Variants in SPATA7 observed in about 807,000 individuals in gnomAD.
SPATA7 encodes spermatogenesis-associated protein 7.
Under a neutral mutation model 51.8 loss-of-function variants are expected in SPATA7, and 43 were observed. The observed-to-expected ratio is 0.83, with a 90% CI of 0.65 to 1.07. The LOEUF is 1.07. Ranked by LOEUF, SPATA7 falls within the 50% of genes least tolerant of loss-of-function variation. SPATA7 has a pLI of 0.00. For missense variants in SPATA7, 683 were observed against 701.3 expected, an observed-to-expected ratio of 0.97 and a Z score of 0.30; for synonymous variants, 230 against 252.8, an observed-to-expected ratio of 0.91 and a Z score of 0.86.
At position 88,437,534 on chromosome 14, in the gene SPATA7, C is replaced by A. The variant is rs370330394; in HGVS notation, c.1161-9C>A. On this transcript the variant is annotated splice_polypyrimidine_tract_variant and intron_variant, in intron 10 of 11. Transcript: ENST00000393545. ...TTGAGACATTAACATTTTTGTTTAT[C>A]ATTTGTAGGTTTTTAGAACGACTGT... The A allele has an allele frequency of 5.6e-6, 9 of 1,601,406 alleles. No homozygotes were observed. Among genetic ancestry groups the A allele is most frequent in the Admixed American group, 1.7e-5 (1 of 59,752 alleles).
Position 88,469,121 on chromosome 14 carries a change from G to T in SPATA7, c.255-726G>T. 1 of 1,556,002 alleles carries T rather than the reference G, an allele frequency of 6.4e-7. No individual in the cohort carries two copies. The highest frequency in any genetic ancestry group is 8.8e-7 in the Non-Finnish European group (1 of 1,140,700). ...TAGAAAAGTACTCAAGGATCAAGGCGTATCACATTGTTGACTCAATCTTCA... is the reference window on the plus strand; with the variant it reads ...TAGAAAAGTACTCAAGGATCAAGGCTTATCACATTGTTGACTCAATCTTCA... On this transcript the variant is annotated intron_variant, in intron 4 of 4. Coordinates refer to the SPATA7 transcript ENST00000556406. This position sits in a 1 kb window ranked among gnomAD's most constrained non-coding sequence, Gnocchi z 4.3.
intron 2 of SPATA7, 141 bp from the exon 3 acceptor site, chr14:88,393,252 T>G: frequency 1.6e-6 from 1 of 643,390 alleles, no homozygotes; most frequent in Non-Finnish European, 2.7e-6. Flanking sequence ...GATTAAAGCT[T>G]CACATCACAA....
chr14:88,448,578 C>T (rs1291331299), intron 3 of SPATA7, among the ~76,000 whole-genome samples: 1 of 152,158 alleles, frequency 6.6e-6, no homozygotes, highest in Admixed American at 6.5e-5. Flanking sequence ...TTAGAGTTTC[C>T]AGTTTTTCTG....
intron 7 of SPATA7, chr14:88,428,069 T>G (rs952531124): frequency 2.5e-5 from 4 of 159,150 alleles, no homozygotes; most frequent in African/African-American, 9.6e-5. Context: ...TTTTTTTTTT[T>G]GTAAAGAATT....
At chr14:88,468,151 A>C in intron 4 of SPATA7, 1 of 1,613,962 alleles carries the variant, frequency 6.2e-7, no homozygotes. Context: ...ATGAGCCTGG[A>C]GCTTTTCAGG....
downstream of SPATA7, among the ~76,000 whole-genome samples, chr14:88,460,271 G>A (rs1331248358): frequency 1.3e-5 from 2 of 152,100 alleles, no homozygotes; most frequent in South Asian, 2.1e-4. Flanking sequence ...GCTAGGTTGG[G>A]GAAGTTCTCC....
At chr14:88,389,858 T>C (rs1324465316) in intron 1 of SPATA7, among the ~76,000 whole-genome samples, 1 of 152,156 alleles carries the variant, frequency 6.6e-6, no homozygotes, top group Non-Finnish European at 1.5e-5. Context: ...GAAACATACA[T>C]AGAATAGAAT....
At chr14:88,396,674 T>C (rs1199422785) in intron 4 of SPATA7, among the ~76,000 whole-genome samples, 2 of 152,192 alleles carry the variant, frequency 1.3e-5, no homozygotes, top group Non-Finnish European at 2.9e-5. Context: ...CATTCGTCAG[T>C]TGATGGACAC....
intron 4 of SPATA7, among the ~76,000 whole-genome samples, chr14:88,408,183 C>T (rs567414241): frequency 1.3e-5 from 2 of 152,212 alleles, no homozygotes; most frequent in South Asian, 4.1e-4. Context: ...AGCACTGAGT[C>T]TATAAATTAC....
chr14:88,414,383 T>G (rs568761995), intron 4 of SPATA7, among the ~76,000 whole-genome samples: 1 of 152,274 alleles, frequency 6.6e-6, no homozygotes, highest in South Asian at 2.1e-4. Context: ...TCTTTTCTAT[T>G]TCTGTGGGGT....
intron 3 of SPATA7, among the ~76,000 whole-genome samples, chr14:88,447,903 T>C (rs1566794647): frequency 6.6e-6 from 1 of 152,020 alleles, no homozygotes. Flanking sequence ...CCTTTCTCTC[T>C]GGCTGCCCTT....
At chr14:88,461,331 C>T (rs1437499984) in intron 4 of SPATA7, among the ~76,000 whole-genome samples, 2 of 152,200 alleles carry the variant, frequency 1.3e-5, no homozygotes, top group Non-Finnish European at 2.9e-5. Context: ...GGCAGGCAGG[C>T]CTCCTTGAGC....
intron 8 of SPATA7, 72 bp from the exon 9 acceptor site, chr14:88,431,100 A>G: frequency 7.8e-7 from 1 of 1,280,914 alleles, no homozygotes; most frequent in Non-Finnish European, 1.1e-6. Flanking sequence ...GTGTACTAAT[A>G]TACAATGTTA....
intron 8 of SPATA7, among the ~76,000 whole-genome samples, chr14:88,430,128 A>G (rs1412213049): frequency 6.6e-6 from 1 of 152,084 alleles, no homozygotes; most frequent in African/African-American, 2.4e-5. Context: ...AGTGGATATG[A>G]AATGCCGGTG....
Position 88,469,795 on chromosome 14 carries a change from G to T in SPATA7, c.255-52G>T. On this transcript the variant is annotated intron_variant, in intron 4 of 4. Coordinates refer to the SPATA7 transcript ENST00000556406. This position sits in a 1 kb window ranked among gnomAD's most constrained non-coding sequence, Gnocchi z 4.3. ...CGGCAATGGATGCCTTTCTCACATA[G>T]ACGGCACATCTGAAACAGAACCACA... The T allele has an allele frequency of 1.9e-6, 3 of 1,597,092 alleles. No individual in the cohort carries two copies. Among genetic ancestry groups the T allele is most frequent in the Non-Finnish European group, 8.6e-7 (1 of 1,164,812 alleles).
downstream of SPATA7, among the ~76,000 whole-genome samples, chr14:88,442,888 G>T (rs2077187219): frequency 6.6e-6 from 1 of 151,526 alleles, no homozygotes; most frequent in South Asian, 2.1e-4. Context: ...ATGTCTGATA[G>T]AATTCAGCTG....
At chr14:88,449,523 A>G (rs924215911) in intron 3 of SPATA7, among the ~76,000 whole-genome samples, 1 of 152,126 alleles carries the variant, frequency 6.6e-6, no homozygotes, top group Admixed American at 6.5e-5. Context: ...AGAATGTTTC[A>G]TGTGCTGATT....
At chr14:88,443,548 T>C (rs1483624675) in intron 3 of SPATA7, among the ~76,000 whole-genome samples, 2 of 152,168 alleles carry the variant, frequency 1.3e-5, no homozygotes, top group African/African-American at 2.4e-5. Context: ...TAGTTACATA[T>C]GTATACATGT....
rs143309194 is a variant in SPATA7 at position 88,406,298 on chromosome 14, T to C, written c.238+10095T>C. On this transcript the variant is annotated intron_variant, in intron 4 of 11. Coordinates refer to ENST00000393545, the MANE Select transcript of SPATA7 (RefSeq NM_018418.5). ...ATTTACATACTATAAGATTCACTGA[T>C]TTTTTACTAAATTTACAGAATTGTG... Among the ~76,000 whole-genome samples, 400 of 152,152 alleles carry C rather than the reference T, an allele frequency of 2.6e-3. 2 individuals carry two copies. Among genetic ancestry groups the C allele is most frequent in the African/African-American group, 9.3e-3 (388 of 41,564 alleles).
Sources: gnomAD v4.1 joint callset for allele counts (sites outside exome capture counted in the v4.1 genomes callset) on GRCh38, gnomAD v4.1.1 for gene constraint, Gnocchi (gnomAD v3.1) non-coding constraint, MANE v1.5 for transcripts, NCBI Gene and HGNC (gene_info 2026-07-23, HGNC 2026-07-21) for gene names.